The following CTSO variants were observed in gnomAD, a reference collection of about 807,000 sequenced individuals.
CTSO encodes the protein cathepsin O.
In CTSO, 40 loss-of-function variants were observed where a neutral mutation model predicts 42.4. The ratio of observed to expected loss-of-function variants is 0.94; its 90% CI spans 0.73 to 1.23. The LOEUF is 1.23. Ranked by LOEUF, CTSO falls within the 50% of genes most tolerant of loss-of-function variation. The pLI, the probability that CTSO is intolerant of heterozygous loss-of-function variation, is 0.00. For missense variants in CTSO, 441 were observed against 396.0 expected (o/e 1.11, Z -0.96); for synonymous variants, 156 against 146.2 (o/e 1.07, Z -0.48).
chr4:155,940,481 A>T (rs1743409688), intron 3 of CTSO, among the ~76,000 whole-genome samples: 1 of 152,104 alleles, frequency 6.6e-6, no homozygotes, highest in Non-Finnish European at 1.5e-5. Context: ...TTTAAAGGTT[A>T]TATCTCTATC....
intron 1 of CTSO, among the ~76,000 whole-genome samples, chr4:155,953,441 A>G (rs763889272): frequency 5.8e-4 from 89 of 152,198 alleles, no homozygotes; most frequent in Non-Finnish European, 5.6e-4. Context: ...CTATGGATTT[A>G]TTTGGGTGCG....
intron 1 of CTSO, among the ~76,000 whole-genome samples, chr4:155,951,062 A>T (rs867408816): frequency 3.9e-5 from 6 of 152,286 alleles, no homozygotes; most frequent in South Asian, 4.1e-4. Flanking sequence ...TAAAGATGCT[A>T]TGGCCATCTA....
At chr4:155,928,307 G>C (rs373949601) in intron 7 of CTSO, 29 bp downstream of exon 7, 836 of 1,439,938 alleles carry the variant, frequency 5.8e-4, no homozygotes, top group Non-Finnish European at 7.7e-4. Context: ...TATTTATATT[G>C]AGGTTTTAAA....
At chr4:155,949,940 T>C (rs942090842) in intron 1 of CTSO, among the ~76,000 whole-genome samples, 2 of 152,202 alleles carry the variant, frequency 1.3e-5, no homozygotes, top group Admixed American at 1.3e-4. Context: ...AACAAATCAC[T>C]ATCCATTCTC....
At chr4:155,940,296 G>A (rs1034353609) in intron 3 of CTSO, among the ~76,000 whole-genome samples, 1 of 150,856 alleles carries the variant, frequency 6.6e-6, no homozygotes, top group African/African-American at 2.5e-5. Context: ...GTAGGATCAC[G>A]TAAAAGGAAG....
chr4:155,950,545 G>A (rs1246190045), intron 1 of CTSO, among the ~76,000 whole-genome samples: 1 of 152,040 alleles, frequency 6.6e-6, no homozygotes, highest in Non-Finnish European at 1.5e-5. Context: ...CATCAAATTC[G>A]TGTTTTCATC....
intron 5 of CTSO, among the ~76,000 whole-genome samples, chr4:155,934,125 C>T (rs1404164465): frequency 6.6e-6 from 1 of 152,172 alleles, no homozygotes; most frequent in African/African-American, 2.4e-5. Flanking sequence ...GGCCCAGGGT[C>T]CTTGTGCTGT....
At chr4:155,942,498 T>A in intron 2 of CTSO, 42 bp from the exon 3 acceptor site, 1 of 965,532 alleles carries the variant, frequency 1.0e-6, no homozygotes, top group Non-Finnish European at 1.4e-6. Flanking sequence ...AATATTATAT[T>A]ACAATATATT....
chr4:155,950,055 A>G (rs891757804), intron 1 of CTSO, among the ~76,000 whole-genome samples: 2 of 152,246 alleles, frequency 1.3e-5, no homozygotes, highest in African/African-American at 2.4e-5. Flanking sequence ...TCTTAGACAA[A>G]GTATTTTCTA....
rs901755301 is a variant in CTSO at position 155,925,457 on chromosome 4, T to C, written c.*579A>G. On this transcript the variant is annotated 3_prime_UTR_variant, in exon 8 of 8. Coordinates refer to ENST00000433477, the MANE Select transcript of CTSO (RefSeq NM_001334.3). ...TTTTGCCCTTTTCCTTCCTTCTACG[T>C]GGTCACTCTGCTGTTCAAAGGGTAA... 6.6e-6 allele frequency: 1 copy of C among 152,248 alleles called. No homozygotes were observed. Among genetic ancestry groups the C allele is most frequent in the African/African-American group, 2.4e-5 (1 of 41,454 alleles). The allele number at this position is 152,248 out of a possible 1,614,324, so 9.4% of individuals were successfully genotyped here. A position where few individuals can be genotyped will look rare whatever the true frequency, so the allele number is the denominator to read the frequency against.
chr4:155,929,535 C>A lies in CTSO; in HGVS notation c.838+7G>T. The stretch of plus-strand genomic sequence containing the variant: ...AAAGCAGTCAACTGAGTCTTATCAG[C>A]ACTTACCTGTTTTATCAAACCCAGT... On this transcript the variant is annotated splice_region_variant and intron_variant, in intron 6 of 7. Transcript: ENST00000433477. 1 of 1,610,280 alleles carries A rather than the reference C, an allele frequency of 6.2e-7. No homozygotes were observed. Among genetic ancestry groups the A allele is most frequent in the Non-Finnish European group, 8.5e-7 (1 of 1,178,408 alleles).
chr4:155,939,268 G>T (rs1453000888), intron 4 of CTSO, 103 bp downstream of exon 4: 3 of 1,005,290 alleles, frequency 3.0e-6, no homozygotes, highest in Admixed American at 2.5e-5. Flanking sequence ...TCCGAACGTG[G>T]AAACATTATT....
intron 1 of CTSO, among the ~76,000 whole-genome samples, chr4:155,950,149 G>C (rs1366036243): frequency 2.0e-5 from 3 of 152,190 alleles, no homozygotes; most frequent in Non-Finnish European, 4.4e-5. Context: ...GGATTTGTGT[G>C]AGCATGTACA....
intron 1 of CTSO, among the ~76,000 whole-genome samples, chr4:155,953,426 CG>C (rs1485147082): frequency 1.3e-5 from 2 of 152,192 alleles, no homozygotes; most frequent in Non-Finnish European, 2.9e-5. Context: ...ACACTTTGGA[CG>C]TATCTATGGA....
At chr4:155,951,229 C>A (rs1743668257) in intron 1 of CTSO, among the ~76,000 whole-genome samples, 1 of 152,130 alleles carries the variant, frequency 6.6e-6, no homozygotes, top group Non-Finnish European at 1.5e-5. Context: ...GTGTATCAAG[C>A]AAATTTTATT....
At chr4:155,942,539 T>C in intron 2 of CTSO, 83 bp from the exon 3 acceptor site, 2 of 610,626 alleles carry the variant, frequency 3.3e-6, no homozygotes, top group Non-Finnish European at 4.4e-6. Context: ...ATTTGTTATA[T>C]ATAAAGACAA....
At chr4:155,951,089 T>C (rs1743665471) in intron 1 of CTSO, among the ~76,000 whole-genome samples, 1 of 152,154 alleles carries the variant, frequency 6.6e-6, no homozygotes, top group Non-Finnish European at 1.5e-5. Context: ...CATAAATAAA[T>C]ATTCCTAAAT....
At chr4:155,945,975 C>T (rs17380254) in intron 1 of CTSO, among the ~76,000 whole-genome samples, 11,872 of 152,100 alleles carry the variant, frequency 0.078, 687 homozygotes, top group Middle Eastern at 0.22. Context: ...TAGACTGGTA[C>T]GCCCTTTCAA....
At chr4:155,942,574 AC>A (rs1743461813) in intron 2 of CTSO, 118 bp from the exon 3 acceptor site, 1 of 360,096 alleles carries the variant, frequency 2.8e-6, no homozygotes, top group South Asian at 1.2e-4. Context: ...TAGGGAGACA[AC>A]CAATATTATA....
Sources: allele counts gnomAD v4.1 joint callset (sites outside exome capture counted in the v4.1 genomes callset), GRCh38; gene constraint gnomAD v4.1.1; transcripts MANE v1.5; gene names NCBI Gene and HGNC (gene_info 2026-07-23, HGNC 2026-07-21).